Variants in GSTM3 observed in about 807,000 individuals in gnomAD.
GSTM3 encodes glutathione S-transferase mu 3, also known as GST class-mu 3.
In GSTM3, 34 loss-of-function variants were observed where a neutral mutation model predicts 36.1. The ratio of observed to expected loss-of-function variants is 0.94; its 90% CI spans 0.72 to 1.25. GSTM3 has a LOEUF of 1.25. Ranked by LOEUF, GSTM3 falls within the 50% of genes most tolerant of loss-of-function variation. The pLI is 0.00. For synonymous variants in GSTM3, 102 were observed against 99.5 expected, an observed-to-expected ratio of 1.03 and a Z score of -0.15; for missense variants, 266 against 281.6, an observed-to-expected ratio of 0.94 and a Z score of 0.40.
rs192402125 is a variant in GSTM3 at position 109,739,185 on chromosome 1, A to C, written c.189+244T>G. ...TGATTTCTACTAGTGACAAAGTGAC[A>C]GACATGGCTAATAACCAATGTCACT... On this transcript the variant is annotated intron_variant, in intron 4 of 8. Transcript: ENST00000361066. Among the ~76,000 whole-genome samples the C allele has an allele frequency of 1.3e-3, 193 of 152,366 alleles. 2 individuals carry two copies. The highest frequency in any genetic ancestry group is 4.4e-3 in the Admixed American group (68 of 15,302).
In GSTM3 at chr1:109,736,003, G is replaced by A. The variant is rs971735091; in HGVS notation, c.*1068C>T. On this transcript the variant is annotated 3_prime_UTR_variant, in exon 9 of 9. Transcript: ENST00000361066. ...AGGATATGATTTAAATTTTACAATT[G>A]TCCTCCAAAGTAGCTATACTAATTT... 3 of 152,048 alleles carry A rather than the reference G, an allele frequency of 2.0e-5. No homozygotes were observed. The highest frequency in any genetic ancestry group is 7.2e-5 in the African/African-American group (3 of 41,398). The allele number at this position is 152,048 out of a possible 1,614,324, so 9.4% of individuals were successfully genotyped here.
In GSTM3 at chr1:109,736,870, G is replaced by A. The variant is rs1557978838; in HGVS notation, c.*201C>T. ...GCCCTTGAACTCAGTTGGGGAGTAG[G>A]GAAATGCCAGTATCGCAGCGATTCA... On this transcript the variant is annotated 3_prime_UTR_variant, in exon 9 of 9. Transcript: ENST00000361066. 3 of 540,728 alleles carry A rather than the reference G, an allele frequency of 5.5e-6. No individual in the cohort carries two copies. Among genetic ancestry groups the A allele is most frequent in the East Asian group, 3.2e-5 (1 of 30,958 alleles). 33.5% of individuals were successfully genotyped at this position (540,728 alleles called of 1,614,324 possible). A position where few individuals can be genotyped will look rare whatever the true frequency, so the allele number is the denominator to read the frequency against.
Position 109,740,365 on chromosome 1 carries a change from G to C in GSTM3, c.-78C>G. 1 of 1,354,266 alleles carries C rather than the reference G, an allele frequency of 7.4e-7. No homozygotes were observed. The highest frequency in any genetic ancestry group is 1.2e-5 in the South Asian group (1 of 80,698). The allele number at this position is 1,354,266 out of a possible 1,614,324, so 83.9% of individuals were successfully genotyped here. A position where few individuals can be genotyped will look rare whatever the true frequency, so the allele number is the denominator to read the frequency against. The stretch of plus-strand genomic sequence containing the variant: ...CTTTATACCCGACATAAGGGGGCGG[G>C]GCCCACGCGCGGGCGCCCTGACTCC... On this transcript the variant is annotated 5_prime_UTR_variant, in exon 2 of 9. Coordinates refer to ENST00000361066, the MANE Select transcript of GSTM3 (RefSeq NM_000849.5).
At position 109,735,638 on chromosome 1, in the gene GSTM3, T is replaced by G. The variant is rs1443802674; in HGVS notation, c.*1433A>C. On this transcript the variant is annotated 3_prime_UTR_variant, in exon 9 of 9. Transcript: ENST00000361066. ...TAGTATATGTCTCTTTGAATGTTTT[T>G]TTTTTTTTTTTTTTTTTTTTTTTGA... 1 of 132,548 alleles carries G rather than the reference T, an allele frequency of 7.5e-6. No homozygotes were observed. The highest frequency in any genetic ancestry group is 1.6e-5 in the Non-Finnish European group (1 of 61,484). The allele number at this position is 132,548 out of a possible 1,614,324, so 8.2% of individuals were successfully genotyped here. A position where few individuals can be genotyped will look rare whatever the true frequency, so the allele number is the denominator to read the frequency against.
In GSTM3 at chr1:109,734,845, ATCCT is replaced by A. The variant is rs1213989095; in HGVS notation, c.*2222_*2225del. ...GGGCCCTCTGACCATCACTAGAGAG[ATCCT>A]TGGCTTCTGGTCCATAGGGGATGGC... On this transcript the variant is annotated 3_prime_UTR_variant, in exon 9 of 9. Coordinates refer to ENST00000361066, the MANE Select transcript of GSTM3 (RefSeq NM_000849.5). 1.3e-5 allele frequency: 2 copies of A among 152,270 alleles called. No individual in the cohort carries two copies. The highest frequency in any genetic ancestry group is 4.8e-5 in the African/African-American group (2 of 41,440). The allele number at this position is 152,270 out of a possible 1,614,324, so 9.4% of individuals were successfully genotyped here.
intron 8 of GSTM3, 97 bp from the exon 9 acceptor site, chr1:109,737,266 C>T: frequency 2.2e-6 from 2 of 920,616 alleles, no homozygotes; most frequent in East Asian, 2.4e-5. Flanking sequence ...GCGTCTACCT[C>T]CTCCATTTTT....
Position 109,737,012 on chromosome 1 carries a change from A to T in GSTM3, c.*59T>A. ...TATTCATTGAAAAGAGCAAAGCAAG[A>T]GCGCTGACCCCTTACGGACAGGATG... On this transcript the variant is annotated 3_prime_UTR_variant, in exon 9 of 9. Transcript: ENST00000361066. 2 of 1,016,892 alleles carry T rather than the reference A, an allele frequency of 2.0e-6. No individual in the cohort carries two copies. Among genetic ancestry groups the T allele is most frequent in the Non-Finnish European group, 3.1e-6 (2 of 643,602 alleles). The allele number at this position is 1,016,892 out of a possible 1,614,324, so 63.0% of individuals were successfully genotyped here.
rs1276581961 is a variant in GSTM3, at chr1:109,739,804, G to A, written c.124+29C>T. The A allele has an allele frequency of 3.3e-6, 5 of 1,512,016 alleles. No individual in the cohort carries two copies. In the African/African-American group the frequency reaches 6.9e-5, roughly 21 times the overall value. 93.7% of individuals were successfully genotyped at this position (1,512,016 alleles called of 1,614,324 possible). ...ACCAGGGCAGGTGGAGGGCCAGCTT[G>A]GCTGCACGGGCACGCGGAGCGGCAT... On this transcript the variant is annotated intron_variant, in intron 3 of 8. Transcript: ENST00000361066.
chr1:109,738,421 C>A, intron 4 of GSTM3, 55 bp from the exon 5 acceptor site: 1 of 1,118,970 alleles, frequency 8.9e-7, no homozygotes, highest in Non-Finnish European at 1.4e-6. Context: ...TGATTCCCTA[C>A]CTCTCTCTCC....
In GSTM3 at chr1:109,737,093, C is replaced by T; in HGVS notation, c.656G>A (p.Trp219Ter). The change falls in exon 9 of 9, where the codon TGG becomes TAG. Residue 219 changes from tryptophan to a stop codon, truncating the protein, a stop_gained. Transcript: ENST00000361066. LOFTEE classifies it high-confidence loss of function. Reference protein sequence around the residue: ...KMPINNKMAQWGNKPVC With the variant: ...KMPINNKMAQ Reference sequence around the variant, plus strand: ...TGCTCAGCATACAGGCTTGTTGCCCCACTGGGCCATCTTGTTGTTGATGGG... The same window carrying T: ...TGCTCAGCATACAGGCTTGTTGCCCTACTGGGCCATCTTGTTGTTGATGGG... 1 of 1,611,600 alleles carries T rather than the reference C, an allele frequency of 6.2e-7. No individual in the cohort carries two copies. Among genetic ancestry groups the T allele is most frequent in the Non-Finnish European group, 8.5e-7 (1 of 1,177,668 alleles).
Position 109,739,429 on chromosome 1 carries a change from A to G in GSTM3, c.189T>C (p.Asn63=). The change falls in exon 4 of 9, where the codon AAT becomes AAC. Residue 63 remains asparagine (N), a splice_region_variant and synonymous_variant. Coordinates refer to ENST00000361066, the MANE Select transcript of GSTM3 (RefSeq NM_000849.5). ...CGCCACCTCTACTAAAGCCACTTAC[A>G]TTAGGAAAGTCCAGGTCTAGCTTGA... ...VKFKLDLDFP[N]LPYLLDGKNK... is the part of the protein sequence containing the mutation. 1 of 1,610,060 alleles carries G rather than the reference A, an allele frequency of 6.2e-7. No homozygotes were observed. The highest frequency in any genetic ancestry group is 8.5e-7 in the Non-Finnish European group (1 of 1,176,624).
In GSTM3 at chr1:109,737,717, G is replaced by C. The variant is rs1649246086; in HGVS notation, c.407C>G (p.Pro136Arg). 1 of 1,608,742 alleles carries C rather than the reference G, an allele frequency of 6.2e-7. No individual in the cohort carries two copies. Among genetic ancestry groups the C allele is most frequent in the Non-Finnish European group, 8.5e-7 (1 of 1,177,092 alleles). Reference sequence around the variant, plus strand: ...CATGGAGAATTGTTTCAGTTGTCCAGGTAGCTCTTCCAAGTACTGAGGCTT... The same window carrying C: ...CATGGAGAATTGTTTCAGTTGTCCACGTAGCTCTTCCAAGTACTGAGGCTT... ...KLKPQYLEELPGQLKQFSMFL... is the reference protein window; with the variant it reads ...KLKPQYLEELRGQLKQFSMFL... Residue 136 changes from proline to arginine, a missense_variant, in exon 7 of 9, where the codon CCT (proline) becomes CGT (arginine). Transcript: ENST00000361066.
Position 109,740,115 on chromosome 1 carries a change from T to C in GSTM3, c.48+125A>G, listed in dbSNP as rs944297124. 1.7e-5 allele frequency: 17 copies of C among 982,326 alleles called. No individual in the cohort carries two copies. The Admixed American group carries it at 3.3e-4, about 19-fold the overall frequency. The allele number at this position is 982,326 out of a possible 1,614,324, so 60.9% of individuals were successfully genotyped here. A position where few individuals can be genotyped will look rare whatever the true frequency, so the allele number is the denominator to read the frequency against. Reference sequence around the variant, plus strand: ...GAGGCTGGGCAGGGGTCGACATCCGTGGCTCGGCAGCTCGAAAAGGCTCCC... The same window carrying C: ...GAGGCTGGGCAGGGGTCGACATCCGCGGCTCGGCAGCTCGAAAAGGCTCCC... On this transcript the variant is annotated intron_variant, in intron 2 of 8. Coordinates refer to ENST00000361066, the MANE Select transcript of GSTM3 (RefSeq NM_000849.5).
At chr1:109,739,983 C>T (rs1425239713) in intron 2 of GSTM3, 75 bp from the exon 3 acceptor site, 8 of 1,237,920 alleles carry the variant, frequency 6.5e-6, no homozygotes, top group African/African-American at 6.0e-5. Context: ...GTTCCCCGGC[C>T]CGGGGCTGCC....
rs576564513 is a variant in GSTM3, at chr1:109,736,021, A to G, written c.*1050T>C. On this transcript the variant is annotated 3_prime_UTR_variant, in exon 9 of 9. Transcript: ENST00000361066. Reference sequence around the variant, plus strand: ...TACAATTGTCCTCCAAAGTAGCTATACTAATTTACAACTTGACCAGCAGGA... The same window carrying G: ...TACAATTGTCCTCCAAAGTAGCTATGCTAATTTACAACTTGACCAGCAGGA... 1 of 152,296 alleles carries G rather than the reference A, an allele frequency of 6.6e-6. No individual in the cohort carries two copies. The highest frequency in any genetic ancestry group is 1.9e-4 in the East Asian group (1 of 5,182). 9.4% of individuals were successfully genotyped at this position (152,296 alleles called of 1,614,324 possible). A position where few individuals can be genotyped will look rare whatever the true frequency, so the allele number is the denominator to read the frequency against.
chr1:109,739,498 A>T lies in GSTM3; in HGVS notation c.125-5T>A. 6.2e-7 allele frequency: 1 copy of T among 1,610,194 alleles called. No individual in the cohort carries two copies. The highest frequency in any genetic ancestry group is 8.5e-7 in the Non-Finnish European group (1 of 1,176,924). On this transcript the variant is annotated splice_polypyrimidine_tract_variant and splice_region_variant and intron_variant, in intron 3 of 8. Transcript: ENST00000361066. ...GGCTTCGATCATAGTCAGGAGCTGT[A>T]AGAGACGGAATTAAGTGGGACCCAA...
rs1196405217 is a variant in GSTM3 at position 109,734,994 on chromosome 1, C to T, written c.*2077G>A. 6.6e-6 allele frequency: 1 copy of T among 152,282 alleles called. No homozygotes were observed. Among genetic ancestry groups the T allele is most frequent in the Non-Finnish European group, 1.5e-5 (1 of 68,048 alleles). The allele number at this position is 152,282 out of a possible 1,614,324, so 9.4% of individuals were successfully genotyped here. A position where few individuals can be genotyped will look rare whatever the true frequency, so the allele number is the denominator to read the frequency against. ...TTAAGTTTGCTTTCTTTTCTAAAAA[C>T]TAGTTTCTACTACACAAGCAATGCA... is the stretch of plus-strand genomic sequence containing the variant. On this transcript the variant is annotated 3_prime_UTR_variant, in exon 9 of 9. Coordinates refer to ENST00000361066, the MANE Select transcript of GSTM3 (RefSeq NM_000849.5).
chr1:109,737,415 C>G (rs757155339), intron 8 of GSTM3, 42 bp downstream of exon 8: 36 of 1,227,676 alleles, frequency 2.9e-5, no homozygotes, highest in South Asian at 9.6e-5. Context: ...CCCAGGGGAG[C>G]CTGTGAGTGT....
chr1:109,736,542 T>G lies in GSTM3; in HGVS notation c.*529A>C, dbSNP rs1649205608. 2.0e-5 allele frequency: 3 copies of G among 152,410 alleles called. No homozygotes were observed. In the South Asian group the frequency reaches 6.2e-4, roughly 32 times the overall value. The allele number at this position is 152,410 out of a possible 1,614,324, so 9.4% of individuals were successfully genotyped here. On this transcript the variant is annotated 3_prime_UTR_variant, in exon 9 of 9. Transcript: ENST00000361066. ...TTGTGTTTAATGTTGGGCCTTAAATTCCAGATTAATTTTAGTGAATAGTGT... is the reference window on the plus strand; with the variant it reads ...TTGTGTTTAATGTTGGGCCTTAAATGCCAGATTAATTTTAGTGAATAGTGT...
Sources: gnomAD v4.1 joint callset for allele counts (sites outside exome capture counted in the v4.1 genomes callset) on GRCh38, gnomAD v4.1.1 for gene constraint, MANE v1.5 for transcripts, NCBI Gene and HGNC (gene_info 2026-07-23, HGNC 2026-07-21) for gene names.